The following MYOZ2 variants were observed in gnomAD, a reference collection of about 807,000 sequenced individuals.
MYOZ2 encodes myozenin 2, also known as myozenin-2.
A neutral mutation model predicts 25.4 loss-of-function variants in MYOZ2; 19 were observed. That is an observed-to-expected ratio of 0.75 (90% CI 0.52 to 1.10). MYOZ2 has a LOEUF of 1.10. MYOZ2 is among the 50% of genes least tolerant of loss of function. The probability of loss-of-function intolerance (pLI) is 0.00; values close to 1 mark genes in which losing one functional copy is unlikely to be tolerated. For missense variants in MYOZ2, 270 were observed against 317.9 expected (o/e 0.85, Z 1.15); for synonymous variants, 92 against 106.9 (o/e 0.86, Z 0.86).
chr4:119,176,339 G>C (rs1457596492), intron 5 of MYOZ2, among the ~76,000 whole-genome samples: 1 of 152,062 alleles, frequency 6.6e-6, no homozygotes, highest in Admixed American at 6.5e-5. Context: ...TCCTGCTTCA[G>C]ACTCCGGAGT....
chr4:119,174,839 T>C (rs994554193), intron 5 of MYOZ2, among the ~76,000 whole-genome samples: 1 of 152,162 alleles, frequency 6.6e-6, no homozygotes, highest in Non-Finnish European at 1.5e-5. Context: ...GCTGCTTTTA[T>C]GAGCTGTAAC....
rs112369914 is a variant in MYOZ2 at position 119,185,943 on chromosome 4, G to GTT, written c.561-14_561-13dup. Reference sequence around the variant, plus strand: ...CAAATTTGAATATTAATTGAGATCTGTTTTTTTTTTAATTTCCCACAGGGT... The same window carrying GTT: ...CAAATTTGAATATTAATTGAGATCTGTTTTTTTTTTTTAATTTCCCACAGGGT... On this transcript the variant is annotated intron_variant, in intron 5 of 5. Coordinates refer to ENST00000307128, the MANE Select transcript of MYOZ2 (RefSeq NM_016599.5). 2.2e-3 allele frequency: 3,226 copies of GTT among 1,441,644 alleles called. 6 individuals are homozygous for GTT. Among genetic ancestry groups the GTT allele is most frequent in the African/African-American group, 0.018 (1,245 of 69,044 alleles). The allele number at this position is 1,441,644 out of a possible 1,614,324, so 89.3% of individuals were successfully genotyped here. A position where few individuals can be genotyped will look rare whatever the true frequency, so the allele number is the denominator to read the frequency against.
Position 119,136,497 on chromosome 4 carries a change from C to CT in MYOZ2, c.-14-12dup, listed in dbSNP as rs1741024672. 1.9e-6 allele frequency: 3 copies of CT among 1,605,514 alleles called. No individual in the cohort carries two copies. The highest frequency in any genetic ancestry group is 1.7e-6 in the Non-Finnish European group (2 of 1,173,054). On this transcript the variant is annotated splice_polypyrimidine_tract_variant and intron_variant, in intron 1 of 5. Transcript: ENST00000307128. ...TCTTCACATTGCCTCAATAATGTCCCTTTGTTTTTAACAGGGAACAAAAAA... is the reference window on the plus strand; with the variant it reads ...TCTTCACATTGCCTCAATAATGTCCCTTTTGTTTTTAACAGGGAACAAAAAA...
At chr4:119,136,846 G>A (rs1741037789) in intron 2 of MYOZ2, among the ~76,000 whole-genome samples, 1 of 152,100 alleles carries the variant, frequency 6.6e-6, no homozygotes, top group Admixed American at 6.6e-5. Context: ...TCTGACAGCT[G>A]ATGTACATTC....
intron 2 of MYOZ2, among the ~76,000 whole-genome samples, chr4:119,147,270 T>A (rs552962347): frequency 1.3e-5 from 2 of 151,644 alleles, no homozygotes; most frequent in East Asian, 3.9e-4. Flanking sequence ...CTGTTTTACA[T>A]TCCTGTTTTT....
At chr4:119,138,180 G>A (rs529824691) in intron 2 of MYOZ2, among the ~76,000 whole-genome samples, 2 of 152,162 alleles carry the variant, frequency 1.3e-5, no homozygotes, top group East Asian at 3.9e-4. Context: ...CTCACCACCA[G>A]TAAATCCTAG....
rs756507464 is a variant in MYOZ2, at chr4:119,142,982, G to A, written c.76+6381G>A. Among the ~76,000 whole-genome samples, 13 of 152,124 alleles carry A rather than the reference G, an allele frequency of 8.5e-5. 1 individual carries two copies. The highest frequency in any genetic ancestry group is 7.4e-5 in the Non-Finnish European group (5 of 68,024). ...GAAAGACATTGTTCATGGTTCCAGA[G>A]GCCAGGGAGTCCAATATTAAGGTGC... On this transcript the variant is annotated intron_variant, in intron 2 of 5. Transcript: ENST00000307128.
In MYOZ2 at chr4:119,157,900, A is replaced by G. The variant is rs1293983042; in HGVS notation, c.247-122A>G. 2.5e-6 allele frequency: 3 copies of G among 1,213,014 alleles called. No individual in the cohort carries two copies. The African/African-American group carries it at 4.5e-5, about 18-fold the overall frequency. The allele number at this position is 1,213,014 out of a possible 1,614,324, so 75.1% of individuals were successfully genotyped here. On this transcript the variant is annotated intron_variant, in intron 3 of 5. Transcript: ENST00000307128. The stretch of plus-strand genomic sequence containing the variant: ...TGAAAAAAATTATTGAGGTCCCAGG[A>G]AGTAATGAAGCGACATTGCATTTAA...
At chr4:119,149,391 G>A (rs527776819) in intron 2 of MYOZ2, among the ~76,000 whole-genome samples, 12 of 152,360 alleles carry the variant, frequency 7.9e-5, no homozygotes, top group African/African-American at 2.9e-4. Context: ...GGGTGAGAGC[G>A]AAGTCAAAGT....
chr4:119,181,093 T>C (rs1443884028), intron 5 of MYOZ2, among the ~76,000 whole-genome samples: 1 of 152,222 alleles, frequency 6.6e-6, no homozygotes, highest in Non-Finnish European at 1.5e-5. Context: ...TCTTTTTTGG[T>C]ATGTAATGTT....
intron 4 of MYOZ2, 136 bp downstream of exon 4, chr4:119,158,287 C>T: frequency 1.6e-6 from 2 of 1,212,186 alleles, no homozygotes; most frequent in Non-Finnish European, 2.3e-6. Flanking sequence ...GGGCCCCAGG[C>T]ACGGTGGCTC....
chr4:119,169,652 T>C (rs907336870), intron 5 of MYOZ2, among the ~76,000 whole-genome samples: 1 of 152,184 alleles, frequency 6.6e-6, no homozygotes, highest in Non-Finnish European at 1.5e-5. Flanking sequence ...ACTAAAAGGC[T>C]AAAAAGCTGA....
At chr4:119,163,243 A>G (rs1343346231) in intron 4 of MYOZ2, among the ~76,000 whole-genome samples, 1 of 152,200 alleles carries the variant, frequency 6.6e-6, no homozygotes. Flanking sequence ...GAGGAGACAA[A>G]CATTTTAGTG....
chr4:119,170,882 T>C (rs1222733117), intron 5 of MYOZ2, among the ~76,000 whole-genome samples: 5 of 152,056 alleles, frequency 3.3e-5, no homozygotes, highest in African/African-American at 2.4e-5. Context: ...AGGCACATGA[T>C]TGTAAAATAA....
intron 2 of MYOZ2, among the ~76,000 whole-genome samples, chr4:119,142,587 T>C (rs567007241): frequency 6.6e-6 from 1 of 152,308 alleles, no homozygotes; most frequent in East Asian, 1.9e-4. Flanking sequence ...CTCTGCTCTG[T>C]TTTTCTTATG....
intron 4 of MYOZ2, among the ~76,000 whole-genome samples, chr4:119,160,729 G>A (rs1398361531): frequency 6.6e-6 from 1 of 151,944 alleles, no homozygotes; most frequent in Non-Finnish European, 1.5e-5. Context: ...CCTCAAAGAT[G>A]TACCTCCAAC....
In MYOZ2 at chr4:119,148,799, A is replaced by C. The variant is rs1741376619; in HGVS notation, c.77-2073A>C. Among the ~76,000 whole-genome samples, 3 of 148,760 alleles carry C rather than the reference A, an allele frequency of 2.0e-5. No individual in the cohort carries two copies. The South Asian group carries it at 6.3e-4, about 31-fold the overall frequency. ...AAAAAAAAAACCTTTCCATTTAAAG[A>C]ATTTGTTTCAAGTGGTTTCCTAACT... On this transcript the variant is annotated intron_variant, in intron 2 of 5. Transcript: ENST00000307128.
At chr4:119,147,196 T>C (rs1054859061) in intron 2 of MYOZ2, among the ~76,000 whole-genome samples, 24 of 152,284 alleles carry the variant, frequency 1.6e-4, no homozygotes, top group South Asian at 2.1e-4. Flanking sequence ...TTATTTACAT[T>C]TAATTTATTA....
intron 2 of MYOZ2, among the ~76,000 whole-genome samples, chr4:119,150,363 T>C (rs1198823271): frequency 1.3e-5 from 2 of 152,086 alleles, no homozygotes; most frequent in Non-Finnish European, 2.9e-5. Context: ...TCAATACTTA[T>C]CATCTGCCTA....
Sources: allele counts gnomAD v4.1 joint callset (sites outside exome capture counted in the v4.1 genomes callset), GRCh38; gene constraint gnomAD v4.1.1; transcripts MANE v1.5; gene names NCBI Gene and HGNC (gene_info 2026-07-23, HGNC 2026-07-21).